MYLK: variants seen among roughly 807,000 people sequenced by gnomAD.
MYLK encodes myosin light chain kinase.
In MYLK, 106 loss-of-function variants were observed where a neutral mutation model predicts 203.4. The observed-to-expected ratio is 0.52, with a 90% confidence interval of 0.45 to 0.61. The LOEUF (loss-of-function observed/expected upper bound fraction) is 0.61, where lower values mean the gene tolerates loss of function less well. Ranked by LOEUF, MYLK falls within the 20% of genes least tolerant of loss-of-function variation. The pLI is 0.00. For missense variants in MYLK, 2,072 were observed against 2,442.3 expected, an observed-to-expected ratio of 0.85 and a Z score of 3.20; for synonymous variants, 867 against 959.5, an observed-to-expected ratio of 0.90 and a Z score of 1.78.
At chr3:123,838,599 G>GA (rs2066523672) in intron 2 of MYLK, among the ~76,000 whole-genome samples, 1 of 152,046 alleles carries the variant, frequency 6.6e-6, no homozygotes, top group African/African-American at 2.4e-5. Context: ...GTATGTAAAA[G>GA]AAAAATGCAT....
intron 20 of MYLK, among the ~76,000 whole-genome samples, chr3:123,678,361 C>T (rs1433038752): frequency 6.6e-5 from 10 of 152,076 alleles, no homozygotes; most frequent in Admixed American, 6.5e-5. Context: ...TTCCTCATCC[C>T]GAAATCTTCC....
chr3:123,639,038 C>G, intron 28 of MYLK: 1 of 985,470 alleles, frequency 1.0e-6, no homozygotes, highest in Non-Finnish European at 1.2e-6. Context: ...TCTCAGTTAT[C>G]TGGTCCTTGG....
At chr3:123,852,880 C>T (rs765857210) in intron 2 of MYLK, among the ~76,000 whole-genome samples, 3 of 152,084 alleles carry the variant, frequency 2.0e-5, no homozygotes, top group Non-Finnish European at 4.4e-5. Flanking sequence ...CCAGGATTTG[C>T]GGTGTTGGAA....
At chr3:123,861,980 C>A (rs534577068) in intron 2 of MYLK, among the ~76,000 whole-genome samples, 12 of 152,304 alleles carry the variant, frequency 7.9e-5, no homozygotes, top group African/African-American at 2.9e-4. Context: ...AGGGAGCTCT[C>A]TGTTCACTCA....
intron 20 of MYLK, among the ~76,000 whole-genome samples, chr3:123,680,057 G>T (rs2060208714): frequency 6.6e-6 from 1 of 152,212 alleles, no homozygotes; most frequent in Non-Finnish European, 1.5e-5. Context: ...TGGTCTGGGG[G>T]CAGGGGAAGC....
At position 123,733,877 on chromosome 3, in the gene MYLK, C is replaced by A; in HGVS notation, c.1119G>T (p.Arg373Ser). The change falls in exon 10 of 34, where the codon AGG becomes AGT. Residue 373 changes from arginine to serine, a missense_variant. Transcript: ENST00000360304. ...AGGTGGCTGGACGGGGAGGAGCTGGCCTCTTCCTCTCTTCTCCAGAAGGTG... is the reference window on the plus strand; with the variant it reads ...AGGTGGCTGGACGGGGAGGAGCTGGACTCTTCCTCTCTTCTCCAGAAGGTG... ...VLSPSGEERK[R>S]PAPPRPATFP... 1.2e-6 allele frequency: 2 copies of A among 1,614,114 alleles called. No homozygotes were observed. Among genetic ancestry groups the A allele is most frequent in the Non-Finnish European group, 8.5e-7 (1 of 1,180,042 alleles).
At chr3:123,620,691 T>C (rs1474355750) in intron 31 of MYLK, 6 of 1,048,870 alleles carry the variant, frequency 5.7e-6, no homozygotes, top group East Asian at 6.5e-5. Flanking sequence ...CAAAGACTTA[T>C]TGCTGACTGG....
At chr3:123,730,051 A>G (rs529079017) in intron 11 of MYLK, among the ~76,000 whole-genome samples, 10 of 152,040 alleles carry the variant, frequency 6.6e-5, no homozygotes, top group Admixed American at 3.9e-4. Context: ...ACATAGTGAG[A>G]CCTCCATCTC....
Position 123,736,248 on chromosome 3 carries a change from A to G in MYLK, c.755-832T>C, listed in dbSNP as rs922854382. The stretch of plus-strand genomic sequence containing the variant: ...CTGAAACTTGTTTACCTATGTATAC[A>G]TGTTCTGGGTTGCAATGTACTGTGA... On this transcript the variant is annotated intron_variant, in intron 8 of 33. Transcript: ENST00000360304. 2.6e-5 allele frequency among the ~76,000 whole-genome samples: 4 copies of G among 152,354 alleles called. No individual in the cohort carries two copies. The East Asian group carries it at 5.8e-4, about 22-fold the overall frequency.
Position 123,614,772 on chromosome 3 carries a change from A to G in MYLK, c.5501-423T>C, listed in dbSNP as rs148616756. Among the ~76,000 whole-genome samples the G allele has an allele frequency of 3.6e-3, 550 of 151,106 alleles. 2 individuals are homozygous for G. Among genetic ancestry groups the G allele is most frequent in the African/African-American group, 0.013 (518 of 41,100 alleles). On this transcript the variant is annotated intron_variant, in intron 33 of 33. Transcript: ENST00000360304. ...CCTCCTGAGTAGTGAGACTATAGGCATGAGCGACCGTGCTCAGTTAAACAT... is the reference window on the plus strand; with the variant it reads ...CCTCCTGAGTAGTGAGACTATAGGCGTGAGCGACCGTGCTCAGTTAAACAT...
At chr3:123,618,534 GT>G (rs2057646962) in intron 33 of MYLK, 104 bp downstream of exon 33, 1 of 1,515,422 alleles carries the variant, frequency 6.6e-7, no homozygotes, top group Non-Finnish European at 9.1e-7. Flanking sequence ...GTTCCTCATT[GT>G]CCCCAGCTGC....
Position 123,610,945 on chromosome 3 carries a change from C to G in MYLK, c.*3160G>C, listed in dbSNP as rs1410849251. 1 of 152,054 alleles carries G rather than the reference C, an allele frequency of 6.6e-6. No homozygotes were observed. The highest frequency in any genetic ancestry group is 1.5e-5 in the Non-Finnish European group (1 of 68,010). 9.4% of individuals were successfully genotyped at this position (152,054 alleles called of 1,614,324 possible). A position where few individuals can be genotyped will look rare whatever the true frequency, so the allele number is the denominator to read the frequency against. ...TAAGATATGCAATGCAAGGAACAATCAATGGATTATTTTTTATATGTTTGG... is the reference window on the plus strand; with the variant it reads ...TAAGATATGCAATGCAAGGAACAATGAATGGATTATTTTTTATATGTTTGG... On this transcript the variant is annotated 3_prime_UTR_variant, in exon 34 of 34. Coordinates refer to ENST00000360304, the MANE Select transcript of MYLK (RefSeq NM_053025.4).
intron 4 of MYLK, among the ~76,000 whole-genome samples, chr3:123,774,895 A>G (rs1274170452): frequency 2.6e-5 from 4 of 152,170 alleles, no homozygotes; most frequent in Non-Finnish European, 5.9e-5. Flanking sequence ...GCGCTGGATA[A>G]AGGCTCGTTG....
In MYLK at chr3:123,679,619, A is replaced by G. The variant is rs60758155; in HGVS notation, c.3652+2605T>C. Among the ~76,000 whole-genome samples the G allele has an allele frequency of 0.027, 4,100 of 152,242 alleles. 370 individuals are homozygous for G. The East Asian group carries it at 0.35, about 13-fold the overall frequency. ...AGACACACACTCCCATTCTTTCAGG[A>G]GCAAGATGTCTGAAATTCCAACATG... On this transcript the variant is annotated intron_variant, in intron 20 of 33. Transcript: ENST00000360304.
At chr3:123,742,770 A>C (rs1487528525) in intron 5 of MYLK, among the ~76,000 whole-genome samples, 1 of 152,242 alleles carries the variant, frequency 6.6e-6, no homozygotes, top group African/African-American at 2.4e-5. Context: ...GCATCCATAC[A>C]ATGAAGTATT....
intron 2 of MYLK, among the ~76,000 whole-genome samples, chr3:123,863,369 A>C (rs62263664): frequency 1.6e-5 from 2 of 128,098 alleles, no homozygotes; most frequent in South Asian, 2.4e-4. Flanking sequence ...TAGCCTTGCC[A>C]AAAAAAAAAA....
Position 123,794,567 on chromosome 3 carries a change from A to G in MYLK, c.-3-723T>C, listed in dbSNP as rs567019076. 4.6e-5 allele frequency among the ~76,000 whole-genome samples: 7 copies of G among 152,198 alleles called. No homozygotes were observed. The East Asian group carries it at 1.4e-3, about 30-fold the overall frequency. ...GAGGGTAAGTCACTTGCCCCAGGAG[A>G]CAGAGCAAAATGATGGTATCACTGA... is the stretch of plus-strand genomic sequence containing the variant. On this transcript the variant is annotated intron_variant, in intron 3 of 33. Transcript: ENST00000360304.
chr3:123,828,631 T>C (rs1450831717), intron 3 of MYLK, among the ~76,000 whole-genome samples: 1 of 152,178 alleles, frequency 6.6e-6, no homozygotes, highest in East Asian at 1.9e-4. Context: ...AAAATGTTTC[T>C]GCATAGCAAG....
At chr3:123,798,413 G>A (rs2065066981) in intron 3 of MYLK, among the ~76,000 whole-genome samples, 1 of 152,136 alleles carries the variant, frequency 6.6e-6, no homozygotes, top group African/African-American at 2.4e-5. Flanking sequence ...GTCAGGCCTG[G>A]CTTTGAAGAC....
Sources: allele counts gnomAD v4.1 joint callset (sites outside exome capture counted in the v4.1 genomes callset), GRCh38; gene constraint gnomAD v4.1.1; transcripts MANE v1.5; gene names NCBI Gene and HGNC (gene_info 2026-07-23, HGNC 2026-07-21).